Variants in PDP1 observed in about 807,000 individuals in gnomAD.
The protein encoded by PDP1 is pyruvate dehyrogenase phosphatase catalytic subunit 1.
A neutral mutation model predicts 37.1 loss-of-function variants in PDP1; 14 were observed. The ratio of observed to expected loss-of-function variants is 0.38; its 90% CI spans 0.25 to 0.59. The LOEUF is 0.59. Among genes scored for constraint, PDP1 ranks in the 20% least tolerant of loss-of-function variants. The pLI, the probability that PDP1 is intolerant of heterozygous loss-of-function variation, is 0.67. For synonymous variants in PDP1, 251 were observed against 243.3 expected (o/e 1.03, Z -0.29); for missense variants, 544 against 655.3 (o/e 0.83, Z 1.85).
At chr8:93,921,687 C>T (rs1315205035) in intron 1 of PDP1, 2 of 206,834 alleles carry the variant, frequency 9.7e-6, no homozygotes, top group Non-Finnish European at 1.9e-5. Flanking sequence ...TGTTATATAA[C>T]CTTCATCTCC....
intron 1 of PDP1, chr8:93,917,320 C>T (rs1377060535): frequency 1.3e-5 from 2 of 152,272 alleles, no homozygotes; most frequent in African/African-American, 2.4e-5. Flanking sequence ...CTAGCGTCTT[C>T]CGGCCCCTGC....
chr8:93,923,060 C>G lies in PDP1; in HGVS notation c.1001C>G (p.Ala334Gly), dbSNP rs770737506. Residue 334 changes from alanine to glycine, a missense_variant, in exon 2 of 2, where the codon GCC (alanine) becomes GGC (glycine). By Grantham distance (60) the Ala-to-Gly change is moderately conservative. Around this residue, in one of 5 missense-constraint regions of PDP1, gnomAD observed 342 missense variants for 414.0 expected, o/e 0.83. Transcript: ENST00000297598. This position sits in a 1 kb window ranked among gnomAD's most constrained non-coding sequence, Gnocchi z 4.3. ...RLKLEHPKSE[A>G]KSVVKQDRLL... ...AAATTGGAACATCCAAAGAGTGAGG[C>G]CAAGAGTGTCGTGAAACAGGATCGG... 2 of 1,614,108 alleles carry G rather than the reference C, an allele frequency of 1.2e-6. No homozygotes were observed. Among genetic ancestry groups the G allele is most frequent in the South Asian group, 2.2e-5 (2 of 91,082 alleles).
intron 1 of PDP1, chr8:93,920,626 G>T: frequency 1.0e-6 from 1 of 957,982 alleles, no homozygotes; most frequent in South Asian, 4.9e-5. Context: ...GTGAGTGATA[G>T]GATTTTTTTT....
At chr8:93,919,914 A>G (rs1810214103) in intron 1 of PDP1, 1 of 152,160 alleles carries the variant, frequency 6.6e-6, no homozygotes, top group Admixed American at 6.5e-5. Context: ...AGTCATGTAC[A>G]CTTAACCTCT....
Position 93,922,193 on chromosome 8 carries a change from G to T in PDP1, c.134G>T (p.Arg45Ile). The stretch of plus-strand genomic sequence containing the variant: ...TCGTACATTCCTCAGAGTCGACTGA[G>T]ATACACACCTCATCCAGCATATGCT... ...SSSYIPQSRL[R>I]YTPHPAYATF... is the part of the protein sequence containing the mutation. Residue 45 changes from arginine (R) to isoleucine (I), a missense_variant, in exon 2 of 2, where the codon AGA becomes ATA. By Grantham distance (97) the Arg-to-Ile change is moderately conservative. Around this residue, in one of 5 missense-constraint regions of PDP1, gnomAD observed 342 missense variants for 414.0 expected, o/e 0.83. Coordinates refer to ENST00000297598, the MANE Select transcript of PDP1 (RefSeq NM_018444.4). The surrounding 1 kb of genome is among the most constrained non-coding windows in gnomAD (Gnocchi z 4.0). 6.2e-7 allele frequency: 1 copy of T among 1,614,154 alleles called. No homozygotes were observed. Among genetic ancestry groups the T allele is most frequent in the South Asian group, 1.1e-5 (1 of 91,076 alleles).
intron 1 of PDP1, among the ~76,000 whole-genome samples, chr8:93,920,098 T>C (rs1385545327): frequency 6.6e-6 from 1 of 152,262 alleles, no homozygotes; most frequent in Non-Finnish European, 1.5e-5. Context: ...GATCTTGTCT[T>C]CATTTTCGTA....
chr8:93,922,260 A>G lies in PDP1; in HGVS notation c.201A>G (p.Gln67=), dbSNP rs775911139. Residue 67 remains glutamine, a synonymous_variant, in exon 2 of 2, where the codon CAA becomes CAG. Coordinates refer to ENST00000297598, the MANE Select transcript of PDP1 (RefSeq NM_018444.4). The surrounding 1 kb of genome is among the most constrained non-coding windows in gnomAD (Gnocchi z 4.0). ...AGGAGAACTGGTGGCAGTACACCCA[A>G]GGAAGGAGATATGCTTCCACACCAC... ...RPKENWWQYT[Q]GRRYASTPQK... is the part of the protein sequence containing the mutation. 2 of 1,614,102 alleles carry G rather than the reference A, an allele frequency of 1.2e-6. No individual in the cohort carries two copies. Among genetic ancestry groups the G allele is most frequent in the East Asian group, 4.5e-5 (2 of 44,894 alleles).
intron 1 of PDP1, among the ~76,000 whole-genome samples, chr8:93,919,603 T>C (rs1204450547): frequency 6.7e-6 from 1 of 149,866 alleles, no homozygotes; most frequent in African/African-American, 2.5e-5. Context: ...TATGCATCTA[T>C]CAACCCTCCC....
At chr8:93,917,714 T>G in intron 1 of PDP1, 1 of 1,130,650 alleles carries the variant, frequency 8.8e-7, no homozygotes, top group South Asian at 1.5e-5. Flanking sequence ...CCTTTATCCC[T>G]CCTCCATCCT....
intron 1 of PDP1, among the ~76,000 whole-genome samples, chr8:93,919,493 C>G (rs1810192660): frequency 2.9e-5 from 2 of 67,926 alleles, no homozygotes. Flanking sequence ...CCGCTGCCCT[C>G]CCTCCCCCCC....
rs1000839362 is a variant in PDP1 at position 93,923,612 on chromosome 8, T to C, written c.1553T>C (p.Ile518Thr). The change falls in exon 2 of 2, where the codon ATT (isoleucine) becomes ACT (threonine). Residue 518 changes from isoleucine to threonine, a missense_variant. Physicochemically the swap from Ile to Thr is moderately conservative, Grantham distance 89. Coordinates refer to ENST00000297598, the MANE Select transcript of PDP1 (RefSeq NM_018444.4). The surrounding 1 kb of genome is among the most constrained non-coding windows in gnomAD (Gnocchi z 4.3). ...EELARMYRDDITIIVVQFNSH... is the reference protein window; with the variant it reads ...EELARMYRDDTTIIVVQFNSH... ...CTTGCTCGAATGTACAGAGATGACA[T>C]TACAATCATTGTAGTTCAGTTCAAT... is the stretch of plus-strand genomic sequence containing the variant. 2 of 1,614,036 alleles carry C rather than the reference T, an allele frequency of 1.2e-6. No homozygotes were observed. The highest frequency in any genetic ancestry group is 1.7e-6 in the Non-Finnish European group (2 of 1,180,040).
rs772846653 is a variant in PDP1 at position 93,923,649 on chromosome 8, A to AG, written c.1594dup (p.Ala532GlyfsTer22). ...TAGTTCAGTTCAATTCTCATGTTGT[A>AG]GGGGCGTATCAAAACCAAGAATAGT... On this transcript the variant is annotated frameshift_variant, in exon 2 of 2. Coordinates refer to ENST00000297598, the MANE Select transcript of PDP1 (RefSeq NM_018444.4). LOFTEE classifies it high-confidence loss of function. The surrounding 1 kb of genome is among the most constrained non-coding windows in gnomAD (Gnocchi z 4.3). 6.2e-7 allele frequency: 1 copy of AG among 1,614,016 alleles called. No homozygotes were observed. Among genetic ancestry groups the AG allele is most frequent in the East Asian group, 2.2e-5 (1 of 44,886 alleles).
intron 1 of PDP1, among the ~76,000 whole-genome samples, chr8:93,918,452 G>A (rs1280452544): frequency 2.0e-5 from 3 of 152,130 alleles, no homozygotes; most frequent in Non-Finnish European, 4.4e-5. Flanking sequence ...AAATGTCTTG[G>A]CACAGGCTCT....
In PDP1 at chr8:93,922,084, T is replaced by C. The variant is rs371323550; in HGVS notation, c.25T>C (p.Phe9Leu). The C allele has an allele frequency of 2.5e-6, 4 of 1,612,938 alleles. No individual in the cohort carries two copies. Among genetic ancestry groups the C allele is most frequent in the Non-Finnish European group, 3.4e-6 (4 of 1,179,022 alleles). Residue 9 changes from phenylalanine to leucine, a missense_variant, in exon 2 of 2, where the codon TTT becomes CTT. Phe to Leu is a conservative substitution (Grantham distance 22). This residue lies in a region of PDP1 where 342 missense variants were observed against 414.0 expected (regional missense o/e 0.83). Transcript: ENST00000297598. The surrounding 1 kb of genome is among the most constrained non-coding windows in gnomAD (Gnocchi z 4.0). Reference protein sequence around the residue: MPAPTQLFFPLIRNCELSR... With the variant: MPAPTQLFLPLIRNCELSR... ...CATGCCAGCACCAACTCAACTGTTT[T>C]TTCCTCTCATCCGTAACTGTGAACT...
chr8:93,921,020 T>C, intron 1 of PDP1: 1 of 984,872 alleles, frequency 1.0e-6, no homozygotes, highest in South Asian at 4.7e-5. Context: ...GTTCTAGGAC[T>C]GAAACCATTT....
rs1313025457 is a variant in PDP1, at chr8:93,921,938, T to G, written c.-44-78T>G. 6 of 1,034,616 alleles carry G rather than the reference T, an allele frequency of 5.8e-6. No individual in the cohort carries two copies. The Admixed American group carries it at 1.4e-4, about 25-fold the overall frequency. 64.1% of individuals were successfully genotyped at this position (1,034,616 alleles called of 1,614,324 possible). ...TGTAGATTGACTTGCTTAATATTTG[T>G]TATAAAGGCAAAGCTAGATTAAGTA... On this transcript the variant is annotated intron_variant, in intron 1 of 1. Transcript: ENST00000297598.
At chr8:93,920,425 A>T (rs756608580) in intron 1 of PDP1, 25 of 442,744 alleles carry the variant, frequency 5.6e-5, no homozygotes, top group Non-Finnish European at 6.9e-5. Context: ...GCATTTGTTT[A>T]TTTAAAGTAT....
rs62525236 is a variant in PDP1 at position 93,921,088 on chromosome 8, A to G, written c.-44-928A>G. On this transcript the variant is annotated intron_variant, in intron 1 of 1. Coordinates refer to ENST00000297598, the MANE Select transcript of PDP1 (RefSeq NM_018444.4). ...TACTTAAACTTTTTTTTTTTTTTTA[A>G]TCATGAAGGGCACGGTAGAATTCAA... The G allele has an allele frequency of 5.2e-6, 5 of 957,434 alleles. No individual in the cohort carries two copies. In the African/African-American group the frequency reaches 9.5e-5, roughly 18 times the overall value. 59.3% of individuals were successfully genotyped at this position (957,434 alleles called of 1,614,324 possible). A position where few individuals can be genotyped will look rare whatever the true frequency, so the allele number is the denominator to read the frequency against.
chr8:93,925,325 T>TG lies in PDP1; in HGVS notation c.*1652_*1653insG. 1 of 166,458 alleles carries TG rather than the reference T, an allele frequency of 6.0e-6. No individual in the cohort carries two copies. The highest frequency in any genetic ancestry group is 3.4e-3 in the Middle Eastern group (1 of 296). The allele number at this position is 166,458 out of a possible 1,614,324, so 10.3% of individuals were successfully genotyped here. ...TGTTTTTGTTTTTATTTGTGTGTTT[T>TG]TTTTTTTTTAAGTCAGCTTGGAACT... On this transcript the variant is annotated 3_prime_UTR_variant, in exon 2 of 2. Coordinates refer to ENST00000297598, the MANE Select transcript of PDP1 (RefSeq NM_018444.4).
Sources: allele counts gnomAD v4.1 joint callset (sites outside exome capture counted in the v4.1 genomes callset), GRCh38; gene constraint gnomAD v4.1.1; regional missense constraint gnomAD v4.1.1; non-coding constraint Gnocchi (gnomAD v3.1); transcripts MANE v1.5; gene names NCBI Gene and HGNC (gene_info 2026-07-23, HGNC 2026-07-21).